MAF: variants seen among roughly 807,000 people sequenced by gnomAD.
MAF encodes MAF bZIP transcription factor.
A neutral mutation model predicts 22.0 loss-of-function variants in MAF; 10 were observed. That is an observed-to-expected ratio of 0.45 (90% CI 0.28 to 0.77). MAF has a LOEUF of 0.77. Ranked by LOEUF, MAF falls within the 30% of genes least tolerant of loss-of-function variation. The probability of loss-of-function intolerance (pLI) is 0.12; values close to 1 mark genes in which losing one functional copy is unlikely to be tolerated. For synonymous variants in MAF, 337 were observed against 255.8 expected (o/e 1.32, Z -3.03); for missense variants, 544 against 548.4 (o/e 0.99, Z 0.08).
the MAF span, among the ~76,000 whole-genome samples, chr16:79,501,529 A>C: frequency 6.6e-6 from 1 of 151,988 alleles, no homozygotes; most frequent in African/African-American, 2.4e-5. Context: ...AAAATGCTTG[A>C]GGCCACATTG....
chr16:79,493,263 AC>A, the MAF span, among the ~76,000 whole-genome samples: 4 of 151,630 alleles, frequency 2.6e-5, no homozygotes, highest in Admixed American at 6.6e-5. Flanking sequence ...ACTCACTACA[AC>A]CTTTGCCTCC....
the MAF span, among the ~76,000 whole-genome samples, chr16:79,335,748 C>A: frequency 6.6e-6 from 1 of 152,212 alleles, no homozygotes; most frequent in Non-Finnish European, 1.5e-5. Context: ...GAAGCGGACA[C>A]CCACAAACTA....
the MAF span, chr16:79,204,122 A>C: frequency 6.6e-6 from 1 of 152,126 alleles, no homozygotes; most frequent in East Asian, 1.9e-4. Context: ...ATTTCAAACC[A>C]ACCATGGAAG....
At chr16:79,269,937 A>T in the MAF span, among the ~76,000 whole-genome samples, 1 of 152,208 alleles carries the variant, frequency 6.6e-6, no homozygotes, top group African/African-American at 2.4e-5. Flanking sequence ...GAAGCAAGCT[A>T]TGGAGACGAA....
chr16:79,227,371 C>T, the MAF span, among the ~76,000 whole-genome samples: 3 of 152,062 alleles, frequency 2.0e-5, no homozygotes, highest in African/African-American at 7.2e-5. Context: ...ACAAACAAAA[C>T]AAAACAACTG....
the MAF span, among the ~76,000 whole-genome samples, chr16:79,440,881 T>A: frequency 6.6e-6 from 1 of 152,220 alleles, no homozygotes; most frequent in African/African-American, 2.4e-5. Context: ...CAGGAACAAG[T>A]GGCCCAAAGG....
chr16:79,581,763 G>T (rs1456332985), downstream of MAF, among the ~76,000 whole-genome samples: 2 of 152,146 alleles, frequency 1.3e-5, no homozygotes, highest in Non-Finnish European at 2.9e-5. Context: ...GGACTGTCAG[G>T]CTCACCGTAC....
the MAF span, among the ~76,000 whole-genome samples, chr16:79,408,303 A>G: frequency 3.9e-5 from 6 of 151,974 alleles, no homozygotes; most frequent in South Asian, 1.0e-3. Flanking sequence ...CAGCCTCTGG[A>G]GTAGCTGGGA....
the MAF span, among the ~76,000 whole-genome samples, chr16:79,345,532 A>C: frequency 6.6e-6 from 1 of 151,980 alleles, no homozygotes; most frequent in African/African-American, 2.4e-5. Flanking sequence ...GTTCAAGACC[A>C]GCCTGGCCAA....
chr16:79,220,376 A>T, the MAF span, among the ~76,000 whole-genome samples: 1 of 152,088 alleles, frequency 6.6e-6, no homozygotes, highest in Non-Finnish European at 1.5e-5. Flanking sequence ...ACTAGTGTAA[A>T]TACTGTGGTA....
chr16:79,518,562 T>C, the MAF span, among the ~76,000 whole-genome samples: 1 of 152,236 alleles, frequency 6.6e-6, no homozygotes, highest in African/African-American at 2.4e-5. Flanking sequence ...TGACCAGCTA[T>C]CTGACTTTGG....
chr16:79,225,056 A>G, the MAF span, among the ~76,000 whole-genome samples: 1 of 152,286 alleles, frequency 6.6e-6, no homozygotes, highest in Admixed American at 6.5e-5. Flanking sequence ...CATAGCCAAG[A>G]CAATCCAAAG....
At chr16:79,312,990 G>A in the MAF span, among the ~76,000 whole-genome samples, 2 of 152,306 alleles carry the variant, frequency 1.3e-5, no homozygotes, top group Non-Finnish European at 1.5e-5. Context: ...GAGAGAAGTT[G>A]CATGCAATTA....
the MAF span, among the ~76,000 whole-genome samples, chr16:79,214,846 G>C: frequency 6.6e-6 from 1 of 150,672 alleles, no homozygotes; most frequent in Non-Finnish European, 1.5e-5. Flanking sequence ...GAGTAGCTGG[G>C]ATTACAGGTG....
At chr16:79,212,075 C>T in the MAF span, 156 of 1,536,374 alleles carry the variant, frequency 1.0e-4, no homozygotes, top group Middle Eastern at 6.7e-4. Context: ...GTGTAGGTTC[C>T]GTATCTCCCT....
At chr16:79,355,575 G>C in the MAF span, among the ~76,000 whole-genome samples, 1 of 152,126 alleles carries the variant, frequency 6.6e-6, no homozygotes, top group African/African-American at 2.4e-5. Context: ...CTCTTCCATG[G>C]AGAACGTCCT....
the MAF span, among the ~76,000 whole-genome samples, chr16:79,509,319 C>T: frequency 8.5e-5 from 13 of 152,310 alleles, 1 homozygote; most frequent in South Asian, 4.1e-4. Context: ...TGATGCACAG[C>T]CCAGGAAGGA....
the MAF span, among the ~76,000 whole-genome samples, chr16:79,220,245 G>C: frequency 2.2e-5 from 2 of 89,644 alleles, no homozygotes; most frequent in African/African-American, 9.4e-5. Flanking sequence ...AACAGAGTGA[G>C]ACTCCATCTC....
chr16:79,503,761 C>G, the MAF span, among the ~76,000 whole-genome samples: 1 of 152,198 alleles, frequency 6.6e-6, no homozygotes, highest in Non-Finnish European at 1.5e-5. Context: ...ATCAGAGCAA[C>G]TGTGTTGAAT....
Sources: gnomAD v4.1 joint callset for allele counts (sites outside exome capture counted in the v4.1 genomes callset) on GRCh38, gnomAD v4.1.1 for gene constraint, MANE v1.5 for transcripts, NCBI Gene and HGNC (gene_info 2026-07-23, HGNC 2026-07-21) for gene names.